Variants in COMMD1 observed in about 807,000 individuals in gnomAD.
COMMD1 encodes COMM domain-containing protein 1.
Under a neutral mutation model 17.2 loss-of-function variants are expected in COMMD1, and 10 were observed. The observed-to-expected ratio is 0.58, with a 90% CI of 0.36 to 0.99. COMMD1 has a LOEUF of 0.99. Ranked by LOEUF, COMMD1 falls within the 50% of genes least tolerant of loss-of-function variation. COMMD1 has a pLI of 0.01. For synonymous variants in COMMD1, 97 were observed against 91.6 expected, an observed-to-expected ratio of 1.06 and a Z score of -0.34; for missense variants, 270 against 231.8, an observed-to-expected ratio of 1.17 and a Z score of -1.07.
chr2:61,891,013 T>G (rs1030909772), intron 1 of COMMD1, among the ~76,000 whole-genome samples: 1 of 152,146 alleles, frequency 6.6e-6, no homozygotes, highest in African/African-American at 2.4e-5. Flanking sequence ...TGCATTAATT[T>G]TGGGATGTAA....
At chr2:61,927,874 C>T (rs1031924007) in intron 1 of COMMD1, among the ~76,000 whole-genome samples, 10 of 152,142 alleles carry the variant, frequency 6.6e-5, no homozygotes, top group African/African-American at 1.4e-4. Flanking sequence ...AAGTGATTTA[C>T]CTGTCTCCGC....
At chr2:61,979,216 A>G (rs1311909847) in intron 1 of COMMD1, among the ~76,000 whole-genome samples, 1 of 152,024 alleles carries the variant, frequency 6.6e-6, no homozygotes, top group Non-Finnish European at 1.5e-5. Flanking sequence ...AGAATAGGCC[A>G]GAATGTAATC....
upstream of COMMD1, among the ~76,000 whole-genome samples, chr2:61,902,303 C>T (rs941259383): frequency 2.6e-5 from 4 of 151,518 alleles, no homozygotes; most frequent in Non-Finnish European, 5.9e-5. Context: ...GTCGGGAGTT[C>T]GAGACCAGCG....
intron 2 of COMMD1, among the ~76,000 whole-genome samples, chr2:62,035,117 A>T (rs964916614): frequency 1.3e-5 from 2 of 152,250 alleles, no homozygotes; most frequent in Non-Finnish European, 2.9e-5. Flanking sequence ...ACTACAGCAC[A>T]GACCTCTGCA....
At chr2:61,964,450 G>A (rs1558539599) in intron 1 of COMMD1, among the ~76,000 whole-genome samples, 1 of 152,122 alleles carries the variant, frequency 6.6e-6, no homozygotes, top group Non-Finnish European at 1.5e-5. Flanking sequence ...CTGGGCTTAA[G>A]CAATCCGCCC....
intron 1 of COMMD1, among the ~76,000 whole-genome samples, chr2:61,944,819 A>G (rs1670865292): frequency 6.6e-6 from 1 of 152,188 alleles, no homozygotes; most frequent in Admixed American, 6.5e-5. Context: ...GGTTCGGGTC[A>G]TTAGAAGGCT....
At chr2:62,083,112 A>G (rs2103982702) in intron 2 of COMMD1, among the ~76,000 whole-genome samples, 1 of 152,280 alleles carries the variant, frequency 6.6e-6, no homozygotes, top group Non-Finnish European at 1.5e-5. Context: ...TTTAAAAATT[A>G]GCTAGGTGTG....
chr2:61,945,431 A>G (rs1251850070), intron 1 of COMMD1, among the ~76,000 whole-genome samples: 5 of 152,232 alleles, frequency 3.3e-5, no homozygotes, highest in African/African-American at 1.2e-4. Context: ...GCCTCAGCCA[A>G]TTATCCTCTT....
Position 62,134,602 on chromosome 2 carries a change from C to CAA in COMMD1, c.463-1215_463-1214dup, listed in dbSNP as rs35477482. ...GATCCTCCCCCTACCCCCATCTCTA[C>CAA]AAAAAAAAAAAAAAATTTTTTTTTT... On this transcript the variant is annotated intron_variant, in intron 2 of 2. Transcript: ENST00000311832. 6.1e-5 allele frequency among the ~76,000 whole-genome samples: 8 copies of CAA among 130,718 alleles called. No individual in the cohort carries two copies. In the South Asian group the frequency reaches 1.2e-3, roughly 20 times the overall value. 85.8% of individuals were successfully genotyped at this position (130,718 alleles called of 152,430 possible).
At chr2:62,105,058 G>C (rs1487868422) in intron 2 of COMMD1, among the ~76,000 whole-genome samples, 1 of 151,388 alleles carries the variant, frequency 6.6e-6, no homozygotes, top group African/African-American at 2.4e-5. Flanking sequence ...CTGGGAGGTG[G>C]AGGTTGCGGT....
At chr2:62,131,536 C>T (rs569553244) in intron 2 of COMMD1, among the ~76,000 whole-genome samples, 2 of 151,778 alleles carry the variant, frequency 1.3e-5, no homozygotes, top group Non-Finnish European at 2.9e-5. Flanking sequence ...CTTTTCCTTT[C>T]CCTTTCCCTT....
At chr2:61,984,754 G>A (rs1483666063) in intron 1 of COMMD1, among the ~76,000 whole-genome samples, 1 of 152,224 alleles carries the variant, frequency 6.6e-6, no homozygotes, top group African/African-American at 2.4e-5. Flanking sequence ...AAAATGGGAT[G>A]TTGAAGTCTC....
At chr2:62,012,381 G>T (rs1412064198) in intron 2 of COMMD1, among the ~76,000 whole-genome samples, 2 of 148,358 alleles carry the variant, frequency 1.3e-5, no homozygotes, top group East Asian at 4.0e-4. Flanking sequence ...AGGCTGGAGT[G>T]CAGTGGCTCT....
chr2:61,898,679 T>C (rs1326475084), intron 1 of COMMD1, among the ~76,000 whole-genome samples: 1 of 152,126 alleles, frequency 6.6e-6, no homozygotes, highest in Non-Finnish European at 1.5e-5. Context: ...AAAAAACACC[T>C]ATTACTTGCC....
chr2:62,087,997 G>T (rs753427417), intron 2 of COMMD1, among the ~76,000 whole-genome samples: 45 of 152,062 alleles, frequency 3.0e-4, no homozygotes, highest in Non-Finnish European at 5.3e-4. Context: ...GAACTGTTCT[G>T]GCAAAAGTCA....
At chr2:62,119,992 C>A (rs991407093) in intron 2 of COMMD1, among the ~76,000 whole-genome samples, 5 of 152,000 alleles carry the variant, frequency 3.3e-5, no homozygotes, top group Non-Finnish European at 5.9e-5. Flanking sequence ...TATTATTATT[C>A]TTTTTCTTTT....
At chr2:61,902,313 G>A (rs561182379), upstream of COMMD1, among the ~76,000 whole-genome samples, 5 of 151,558 alleles carry the variant, frequency 3.3e-5, no homozygotes, top group South Asian at 2.1e-4. Context: ...CGAGACCAGC[G>A]TGCCCAAGAT....
rs780291419 is a variant in COMMD1 at position 62,135,876 on chromosome 2, C to G, written c.508C>G (p.Gln170Glu). The G allele has an allele frequency of 7.5e-6, 12 of 1,604,558 alleles. No individual in the cohort carries two copies. Among genetic ancestry groups the G allele is most frequent in the African/African-American group, 1.3e-5 (1 of 74,734 alleles). ...CLEFDEVKVN[Q>E]ILKTLSEVEE... ...GGAATTTGATGAGGTCAAAGTCAAC[C>G]AAATTCTGAAGACGCTGTCAGAGGT... Residue 170 changes from glutamine (Q) to glutamate (E), a missense_variant, in exon 3 of 3, where the codon CAA becomes GAA. Gln to Glu is a conservative substitution (Grantham distance 29). Transcript: ENST00000311832.
chr2:62,112,801 A>T (rs74399271), intron 2 of COMMD1, among the ~76,000 whole-genome samples: 1 of 152,086 alleles, frequency 6.6e-6, no homozygotes, highest in Non-Finnish European at 1.5e-5. Flanking sequence ...TAAATCAATG[A>T]TTTTTTCTCT....
Sources: allele counts gnomAD v4.1 joint callset (sites outside exome capture counted in the v4.1 genomes callset), GRCh38; gene constraint gnomAD v4.1.1; transcripts MANE v1.5; gene names NCBI Gene and HGNC (gene_info 2026-07-23, HGNC 2026-07-21).